The following CACNA1C variants were observed in gnomAD, a reference collection of about 807,000 sequenced individuals.
CACNA1C encodes the protein voltage-dependent L-type calcium channel subunit alpha-1C.
A neutral mutation model predicts 229.0 loss-of-function variants in CACNA1C; 30 were observed. That is an observed-to-expected ratio of 0.13 (90% CI 0.10 to 0.18). The LOEUF is 0.18. CACNA1C is among the 10% of genes least tolerant of loss of function. The pLI, the probability that CACNA1C is intolerant of heterozygous loss-of-function variation, is 1.00. For synonymous variants in CACNA1C, 1,114 were observed against 1,132.5 expected, an observed-to-expected ratio of 0.98 and a Z score of 0.33; for missense variants, 1,658 against 2,845.0, an observed-to-expected ratio of 0.58 and a Z score of 9.49.
intron 3 of CACNA1C, among the ~76,000 whole-genome samples, chr12:2,292,548 T>A (rs2093617667): frequency 6.6e-6 from 1 of 152,190 alleles, no homozygotes; most frequent in African/African-American, 2.4e-5. Flanking sequence ...CACCTGTATG[T>A]CCTTGGTCAA....
chr12:2,304,233 C>T (rs535095276), intron 3 of CACNA1C, among the ~76,000 whole-genome samples: 26 of 152,138 alleles, frequency 1.7e-4, no homozygotes, highest in African/African-American at 5.1e-4. Context: ...GCCAGCCGGG[C>T]GTGTGTGTGA....
chr12:2,363,805 C>T (rs140683151), intron 3 of CACNA1C, among the ~76,000 whole-genome samples: 1,527 of 152,238 alleles, frequency 0.01, 10 homozygotes, highest in Non-Finnish European at 0.016. Flanking sequence ...GGTAGGGGGA[C>T]GGTAAAGAAT....
chr12:2,052,906 C>T (rs2052682241), upstream of CACNA1C: 2 of 848,610 alleles, frequency 2.4e-6, no homozygotes, highest in Non-Finnish European at 2.8e-6. Flanking sequence ...GGCGGGCGGG[C>T]GGGCGGCGCG....
At chr12:2,361,926 G>A (rs532955046) in intron 3 of CACNA1C, among the ~76,000 whole-genome samples, 5 of 152,304 alleles carry the variant, frequency 3.3e-5, no homozygotes, top group Admixed American at 6.5e-5. Context: ...GGAGTGTGAC[G>A]TCGAGCTCTG....
At chr12:2,290,650 A>G (rs1461012533) in intron 3 of CACNA1C, among the ~76,000 whole-genome samples, 2 of 152,148 alleles carry the variant, frequency 1.3e-5, no homozygotes, top group Non-Finnish European at 2.9e-5. Context: ...AGGAGCTTGT[A>G]CCTGGCTTTA....
At chr12:2,178,075 A>G (rs1366884602) in intron 3 of CACNA1C, among the ~76,000 whole-genome samples, 1 of 152,260 alleles carries the variant, frequency 6.6e-6, no homozygotes, top group African/African-American at 2.4e-5. Context: ...GCAGATCTGC[A>G]GAGAAAAGGA....
At chr12:2,529,370 A>G (rs1186771169) in intron 9 of CACNA1C, among the ~76,000 whole-genome samples, 3 of 152,164 alleles carry the variant, frequency 2.0e-5, no homozygotes, top group Admixed American at 1.3e-4. Flanking sequence ...TATTCATTGC[A>G]TTTTATCTGT....
At chr12:2,596,977 G>A (rs1337638773) in intron 20 of CACNA1C, among the ~76,000 whole-genome samples, 1 of 152,114 alleles carries the variant, frequency 6.6e-6, no homozygotes. Context: ...GCATGCCCTG[G>A]AAGCTCACCT....
rs751224055 is a variant in CACNA1C at position 2,674,574 on chromosome 12, C to T, written c.4760C>T (p.Ala1587Val). 24 of 1,573,058 alleles carry T rather than the reference C, an allele frequency of 1.5e-5. No individual in the cohort carries two copies. Among genetic ancestry groups the T allele is most frequent in the Non-Finnish European group, 2.0e-5 (23 of 1,158,650 alleles). ...NLEQANEELR[A>V]IIKKIWKRTS... The stretch of plus-strand genomic sequence containing the variant: ...GAACAAGCCAATGAGGAGCTGCGGG[C>T]GATCATCAAGAAGATCTGGAAGCGG... Residue 1587 changes from alanine to valine, a missense_variant, in exon 39 of 47, where the codon GCG (alanine) becomes GTG (valine). Ala to Val is a moderately conservative substitution (Grantham distance 64). Transcript: ENST00000399655.
chr12:2,500,328 TC>T (rs1172438832), intron 7 of CACNA1C, among the ~76,000 whole-genome samples: 1 of 152,222 alleles, frequency 6.6e-6, no homozygotes, highest in African/African-American at 2.4e-5. Flanking sequence ...TGGAAGCCTC[TC>T]ACCTTGTGTG....
intron 1 of CACNA1C, among the ~76,000 whole-genome samples, chr12:1,975,797 C>T (rs1255027561): frequency 1.3e-5 from 2 of 152,170 alleles, no homozygotes; most frequent in East Asian, 3.9e-4. Context: ...GGTTTTTCCT[C>T]ACCTCAGCAT....
intron 7 of CACNA1C, among the ~76,000 whole-genome samples, chr12:2,499,199 G>T (rs764902100): frequency 2.4e-4 from 36 of 152,266 alleles, no homozygotes; most frequent in Admixed American, 6.5e-4. Flanking sequence ...TCTGAAAGCC[G>T]CAGGTTGATG....
intron 3 of CACNA1C, among the ~76,000 whole-genome samples, chr12:2,251,075 G>A (rs1856153913): frequency 6.6e-6 from 1 of 152,230 alleles, no homozygotes; most frequent in Admixed American, 6.5e-5. Flanking sequence ...GGAAGAGCCT[G>A]AGTTTGAGAG....
At chr12:2,302,888 C>T (rs900460904) in intron 3 of CACNA1C, among the ~76,000 whole-genome samples, 5 of 152,328 alleles carry the variant, frequency 3.3e-5, no homozygotes, top group African/African-American at 4.8e-5. Flanking sequence ...TGGGGTTGGC[C>T]GCTCCCAGAC....
chr12:2,399,653 T>TG (rs1179205597), intron 3 of CACNA1C, among the ~76,000 whole-genome samples: 1 of 152,192 alleles, frequency 6.6e-6, no homozygotes, highest in Non-Finnish European at 1.5e-5. Flanking sequence ...CAGCGGAGCT[T>TG]GGGGTTTTCA....
At chr12:2,249,968 C>T (rs1297279501) in intron 3 of CACNA1C, among the ~76,000 whole-genome samples, 3 of 152,150 alleles carry the variant, frequency 2.0e-5, no homozygotes, top group Non-Finnish European at 4.4e-5. Flanking sequence ...GCCACCACGC[C>T]TGGCTAATTT....
chr12:2,591,506 G>A (rs2065299581), intron 18 of CACNA1C, among the ~76,000 whole-genome samples: 1 of 152,184 alleles, frequency 6.6e-6, no homozygotes, highest in Non-Finnish European at 1.5e-5. Context: ...GGTACTGGAG[G>A]CAGAGGTTCT....
chr12:2,522,287 T>C lies in CACNA1C; in HGVS notation c.1390+9303T>C, dbSNP rs987701643. The stretch of plus-strand genomic sequence containing the variant: ...GCAGCGTGCATTGGTAACTTCTTAT[T>C]CACTCTCCCACTCAGTATGTAGGGC... On this transcript the variant is annotated intron_variant, in intron 9 of 46. Coordinates refer to ENST00000399655, the MANE Select transcript of CACNA1C (RefSeq NM_000719.7). Among the ~76,000 whole-genome samples, 5 of 152,150 alleles carry C rather than the reference T, an allele frequency of 3.3e-5. No homozygotes were observed. The East Asian group carries it at 9.6e-4, about 29-fold the overall frequency.
chr12:2,159,285 A>G (rs1296597643), intron 3 of CACNA1C, among the ~76,000 whole-genome samples: 1 of 152,128 alleles, frequency 6.6e-6, no homozygotes, highest in Non-Finnish European at 1.5e-5. Flanking sequence ...ACTTGAGCCC[A>G]GGAGTTTGAG....
Sources: gnomAD v4.1 joint callset for allele counts (sites outside exome capture counted in the v4.1 genomes callset) on GRCh38, gnomAD v4.1.1 for gene constraint, MANE v1.5 for transcripts, NCBI Gene and HGNC (gene_info 2026-07-23, HGNC 2026-07-21) for gene names.